Variants in NSD2 observed in about 807,000 individuals in gnomAD.
The protein encoded by NSD2 is histone-lysine N-methyltransferase NSD2.
In NSD2, 12 loss-of-function variants were observed where a neutral mutation model predicts 139.0. The ratio of observed to expected loss-of-function variants is 0.09; its 90% CI spans 0.06 to 0.14. The LOEUF (loss-of-function observed/expected upper bound fraction) is 0.14, where lower values mean the gene tolerates loss of function less well. NSD2 is among the 10% of genes least tolerant of loss of function. The pLI is 1.00. For missense variants in NSD2, 1,155 were observed against 1,745.0 expected, an observed-to-expected ratio of 0.66 and a Z score of 6.02; for synonymous variants, 669 against 648.7, an observed-to-expected ratio of 1.03 and a Z score of -0.48.
chr4:1,910,828 T>C (rs567830975), intron 3 of NSD2, among the ~76,000 whole-genome samples: 1 of 152,280 alleles, frequency 6.6e-6, no homozygotes, highest in South Asian at 2.1e-4. Flanking sequence ...GCTTTACCTA[T>C]TTTGGGGCTC....
rs191157250 is a variant in NSD2 at position 1,958,709 on chromosome 4, C to A, written c.2985+673C>A. On this transcript the variant is annotated intron_variant, in intron 16 of 21. Coordinates refer to ENST00000508803, the MANE Select transcript of NSD2 (RefSeq NM_001042424.3). The surrounding 1 kb of genome is among the most constrained non-coding windows in gnomAD (Gnocchi z 4.6). ...AATATCTTTGTATGTAAAGAAAGTG[C>A]TCTGTATTCATCTTTATATAATATT... Among the ~76,000 whole-genome samples the A allele has an allele frequency of 5.3e-5, 8 of 152,364 alleles. No homozygotes were observed.
intron 2 of NSD2, among the ~76,000 whole-genome samples, chr4:1,901,688 G>A (rs930853066): frequency 1.3e-5 from 2 of 152,192 alleles, no homozygotes; most frequent in Admixed American, 6.5e-5. Flanking sequence ...TGCACCATCT[G>A]ATGAGTGGGA....
In NSD2 at chr4:1,976,843, TC is replaced by T. The variant is rs1274955098; in HGVS notation, c.3826+166del. On this transcript the variant is annotated intron_variant, in intron 21 of 21. Transcript: ENST00000508803. The surrounding 1 kb of genome is among the most constrained non-coding windows in gnomAD (Gnocchi z 5.3). ...CCAGGGTGGCAGAGCCTTTCTTTGTTCCACCAGCCGCACATTCTAGATCTCT... is the reference window on the plus strand; with the variant it reads ...CCAGGGTGGCAGAGCCTTTCTTTGTTCACCAGCCGCACATTCTAGATCTCT... 6.6e-6 allele frequency among the ~76,000 whole-genome samples: 1 copy of T among 152,224 alleles called. No homozygotes were observed. The highest frequency in any genetic ancestry group is 1.5e-5 in the Non-Finnish European group (1 of 68,044).
At chr4:1,891,193 C>A (rs529507385) in intron 1 of NSD2, among the ~76,000 whole-genome samples, 1 of 152,324 alleles carries the variant, frequency 6.6e-6, no homozygotes, top group South Asian at 2.1e-4. Flanking sequence ...TGTGCCCCGC[C>A]TACGTGGAAT....
chr4:1,884,819 A>C (rs931489714), intron 1 of NSD2, among the ~76,000 whole-genome samples: 2 of 151,932 alleles, frequency 1.3e-5, no homozygotes. Flanking sequence ...TTAAAATTCA[A>C]CTGCCTGGGC....
intron 1 of NSD2, among the ~76,000 whole-genome samples, chr4:1,896,430 G>A (rs1020188159): frequency 1.3e-5 from 2 of 152,246 alleles, no homozygotes; most frequent in Admixed American, 6.5e-5. Flanking sequence ...GTGCAATAGT[G>A]TGGTCACAGC....
At position 1,944,224 on chromosome 4, in the gene NSD2, G is replaced by C. The variant is rs551050019; in HGVS notation, c.1881+4446G>C. 38 of 1,066,258 alleles carry C rather than the reference G, an allele frequency of 3.6e-5. No individual in the cohort carries two copies. In the South Asian group the frequency reaches 1.6e-3, roughly 46 times the overall value. 66.0% of individuals were successfully genotyped at this position (1,066,258 alleles called of 1,614,324 possible). On this transcript the variant is annotated intron_variant, in intron 9 of 21. Transcript: ENST00000508803. Reference sequence around the variant, plus strand: ...AGATGCCAGGAGTGGGCTCATCCTAGAGGAGCGGAGTTTTCCGAGAGGACC... The same window carrying C: ...AGATGCCAGGAGTGGGCTCATCCTACAGGAGCGGAGTTTTCCGAGAGGACC...
chr4:1,939,676 A>G lies in NSD2; in HGVS notation c.1779A>G (p.Ala593=), dbSNP rs755333913. The change falls in exon 9 of 22, where the codon GCA becomes GCG. Residue 593 remains alanine (A), a synonymous_variant. Transcript: ENST00000508803. ...SQAATKNLSD[A]CKPLKKRNRA... is the part of the protein sequence containing the mutation. The stretch of plus-strand genomic sequence containing the variant: ...CAGCAACGAAAAATCTGTCTGATGC[A>G]TGTAAACCACTGAAGAAGCGAAATC... 6.8e-6 allele frequency: 11 copies of G among 1,614,144 alleles called. No individual in the cohort carries two copies. The highest frequency in any genetic ancestry group is 1.7e-5 in the Admixed American group (1 of 60,010).
At chr4:1,872,611 AGAGAGAGAGAGAGAGAGAGAGAGAGC>A (rs1713921127) in intron 1 of NSD2, among the ~76,000 whole-genome samples, 4 of 142,812 alleles carry the variant, frequency 2.8e-5, no homozygotes, top group East Asian at 4.5e-4. Flanking sequence ...AGAGAGAGAG[AGAGAGAGAGAGAGAGAGAGAGAGAGC>A]GCGCAGACCC....
intron 1 of NSD2, among the ~76,000 whole-genome samples, chr4:1,878,927 C>T (rs1404457082): frequency 6.6e-6 from 1 of 152,132 alleles, no homozygotes; most frequent in Non-Finnish European, 1.5e-5. Flanking sequence ...GGAGAGGGTC[C>T]TTGGTCCAAT....
chr4:1,926,280 G>A (rs1189363903), intron 5 of NSD2, among the ~76,000 whole-genome samples: 3 of 148,782 alleles, frequency 2.0e-5, no homozygotes, highest in African/African-American at 5.0e-5. Context: ...TCAGCCTCCC[G>A]AGTAGCTGGG....
At chr4:1,941,281 T>A (rs1723066166) in intron 9 of NSD2, 25 of 1,056,960 alleles carry the variant, frequency 2.4e-5, no homozygotes, top group Non-Finnish European at 2.7e-5. Context: ...GTTTTTCTGT[T>A]ATCATAATTT....
intron 5 of NSD2, among the ~76,000 whole-genome samples, chr4:1,930,418 A>G (rs1241867927): frequency 6.6e-6 from 1 of 152,172 alleles, no homozygotes; most frequent in Non-Finnish European, 1.5e-5. Context: ...TTTCACTGGC[A>G]CTATTCTAAT....
chr4:1,970,013 G>A (rs555947293), intron 18 of NSD2, among the ~76,000 whole-genome samples: 6 of 152,184 alleles, frequency 3.9e-5, no homozygotes, highest in Non-Finnish European at 7.3e-5. Flanking sequence ...TGAGCAGAGT[G>A]CAGCTGAAAG....
rs913676880 is a variant in NSD2, at chr4:1,976,765, G to A, written c.3826+86G>A. The A allele has an allele frequency of 1.4e-5, 20 of 1,415,116 alleles. No homozygotes were observed. Among genetic ancestry groups the A allele is most frequent in the African/African-American group, 1.3e-4 (9 of 70,014 alleles). 87.7% of individuals were successfully genotyped at this position (1,415,116 alleles called of 1,614,324 possible). ...GCTGCTGCCGCTCTTCCTGCTGACC[G>A]GGCCTCATCTGGGTGCAGGCACATC... On this transcript the variant is annotated intron_variant, in intron 21 of 21. Coordinates refer to ENST00000508803, the MANE Select transcript of NSD2 (RefSeq NM_001042424.3). This position sits in a 1 kb window ranked among gnomAD's most constrained non-coding sequence, Gnocchi z 5.3.
intron 18 of NSD2, among the ~76,000 whole-genome samples, chr4:1,967,950 G>T (rs558478709): frequency 1.8e-4 from 27 of 152,320 alleles, no homozygotes; most frequent in South Asian, 4.1e-4. Flanking sequence ...GTGTCTTATT[G>T]TCAAGATGGG....
At chr4:1,923,790 GACTATGGTAT>G (rs1224157951) in intron 5 of NSD2, among the ~76,000 whole-genome samples, 5 of 152,216 alleles carry the variant, frequency 3.3e-5, no homozygotes, top group Non-Finnish European at 7.3e-5. Flanking sequence ...CCCAGTGACA[GACTATGGTAT>G]GTTCCTACAG....
intron 21 of NSD2, among the ~76,000 whole-genome samples, chr4:1,977,326 A>AAATG (rs1224606068): frequency 1.3e-5 from 2 of 152,236 alleles, no homozygotes; most frequent in Non-Finnish European, 2.9e-5. Context: ...ACAGTCTGAG[A>AAATG]AATGGGTCGT....
At chr4:1,962,801 T>G (rs1725501592) in intron 18 of NSD2, among the ~76,000 whole-genome samples, 1 of 152,158 alleles carries the variant, frequency 6.6e-6, no homozygotes, top group African/African-American at 2.4e-5. Context: ...CTCCTGAGTA[T>G]CTGGGACTAC....
Sources: gnomAD v4.1 joint callset for allele counts (sites outside exome capture counted in the v4.1 genomes callset) on GRCh38, gnomAD v4.1.1 for gene constraint, Gnocchi (gnomAD v3.1) non-coding constraint, MANE v1.5 for transcripts, NCBI Gene and HGNC (gene_info 2026-07-23, HGNC 2026-07-21) for gene names.